CPE: variants seen among roughly 807,000 people sequenced by gnomAD.
CPE encodes carboxypeptidase E, also known as carbocypeptidase E.
CPE carries 17 observed loss-of-function variants against 53.5 expected under a neutral mutation model. The ratio of observed to expected loss-of-function variants is 0.32; its 90% CI spans 0.22 to 0.48. The LOEUF (loss-of-function observed/expected upper bound fraction) is 0.48. Ranked by LOEUF, CPE falls within the 20% of genes least tolerant of loss-of-function variation. The pLI is 0.99. For synonymous variants in CPE, 226 were observed against 228.8 expected (o/e 0.99, Z 0.11); for missense variants, 524 against 614.7 (o/e 0.85, Z 1.56).
At chr4:165,470,455 A>G (rs1396910180) in intron 3 of CPE, among the ~76,000 whole-genome samples, 1 of 152,142 alleles carries the variant, frequency 6.6e-6, no homozygotes, top group South Asian at 2.1e-4. Flanking sequence ...ACTAAGTCAC[A>G]TACCAGTTAA....
chr4:165,489,956 A>G (rs2126715725), intron 6 of CPE, among the ~76,000 whole-genome samples: 1 of 152,328 alleles, frequency 6.6e-6, no homozygotes, highest in East Asian at 1.9e-4. Context: ...CTAAGCAGTG[A>G]GTGGTATTTA....
chr4:165,493,344 C>A, intron 7 of CPE, 74 bp downstream of exon 7: 3 of 1,065,654 alleles, frequency 2.8e-6, no homozygotes, highest in Non-Finnish European at 2.8e-6. Context: ...AATTATAAGT[C>A]TTATGTTCTT....
intron 1 of CPE, among the ~76,000 whole-genome samples, chr4:165,391,912 G>A (rs1730686844): frequency 6.6e-6 from 1 of 151,978 alleles, no homozygotes; most frequent in Admixed American, 6.6e-5. Context: ...GATGCATAAG[G>A]TATGGAAAGT....
Position 165,418,847 on chromosome 4 carries a change from T to G in CPE, c.307+39319T>G, listed in dbSNP as rs191050515. ...CAATGCTAACTTTAAAGCAAAGAAT[T>G]TTAATTTGAAAGTTGAGAAAATATA... On this transcript the variant is annotated intron_variant, in intron 1 of 8. Transcript: ENST00000402744. Among the ~76,000 whole-genome samples, 13 of 152,256 alleles carry G rather than the reference T, an allele frequency of 8.5e-5. No homozygotes were observed. In the East Asian group the frequency reaches 2.5e-3, roughly 29 times the overall value.
intron 1 of CPE, among the ~76,000 whole-genome samples, chr4:165,434,381 G>A (rs1491002814): frequency 6.6e-6 from 1 of 152,152 alleles, no homozygotes; most frequent in Non-Finnish European, 1.5e-5. Context: ...GGCAAGCCAA[G>A]GTGAAATAGC....
intron 1 of CPE, among the ~76,000 whole-genome samples, chr4:165,442,878 T>G (rs1731639872): frequency 6.6e-6 from 1 of 152,172 alleles, no homozygotes; most frequent in South Asian, 2.1e-4. Context: ...TATATTACCT[T>G]GAGGAAGAAC....
chr4:165,432,438 G>C (rs571771416), intron 1 of CPE, among the ~76,000 whole-genome samples: 1 of 152,188 alleles, frequency 6.6e-6, no homozygotes, highest in Non-Finnish European at 1.5e-5. Flanking sequence ...TGGGACTACA[G>C]GTGTGTGCCA....
chr4:165,393,631 A>G (rs567449860), intron 1 of CPE, among the ~76,000 whole-genome samples: 1 of 152,316 alleles, frequency 6.6e-6, no homozygotes, highest in African/African-American at 2.4e-5. Flanking sequence ...AGTATTTCCC[A>G]TAACAATGTA....
intron 3 of CPE, among the ~76,000 whole-genome samples, chr4:165,480,199 A>G (rs1318561257): frequency 6.6e-6 from 1 of 152,186 alleles, no homozygotes; most frequent in Non-Finnish European, 1.5e-5. Flanking sequence ...TTGTTCTTAA[A>G]AAGATTAGAG....
intron 1 of CPE, among the ~76,000 whole-genome samples, chr4:165,427,441 C>G (rs1401445779): frequency 6.6e-6 from 1 of 151,900 alleles, no homozygotes; most frequent in African/African-American, 2.4e-5. Flanking sequence ...TAAACATTTT[C>G]TCAACCATTT....
At chr4:165,464,211 G>GTTAT (rs1161537462) in intron 1 of CPE, among the ~76,000 whole-genome samples, 179 bp from the exon 2 acceptor site, 4 of 152,088 alleles carry the variant, frequency 2.6e-5, no homozygotes, top group Non-Finnish European at 5.9e-5. Context: ...GTGGGTAGCT[G>GTTAT]GGAGGCGAGG....
intron 1 of CPE, among the ~76,000 whole-genome samples, chr4:165,454,052 T>C (rs1731858900): frequency 6.6e-6 from 1 of 152,178 alleles, no homozygotes; most frequent in Non-Finnish European, 1.5e-5. Flanking sequence ...TTTGTAGCAT[T>C]GCCTATTTCC....
intron 1 of CPE, among the ~76,000 whole-genome samples, chr4:165,438,616 T>G (rs373286533): frequency 7.9e-5 from 12 of 152,240 alleles, no homozygotes; most frequent in Admixed American, 3.3e-4. Context: ...ATGGATAATT[T>G]GAATGGGTCA....
At chr4:165,422,837 T>C (rs9759768) in intron 1 of CPE, among the ~76,000 whole-genome samples, 88,577 of 151,344 alleles carry the variant, frequency 0.59, 27,380 homozygotes, top group African/African-American at 0.8. Flanking sequence ...ATTAGCCGGG[T>C]GTGGTGGCGG....
At chr4:165,459,985 CCA>C (rs1294759410) in intron 1 of CPE, among the ~76,000 whole-genome samples, 1 of 151,708 alleles carries the variant, frequency 6.6e-6, no homozygotes, top group Admixed American at 6.6e-5. Context: ...ACAACCATCC[CCA>C]GTGTCCTGAG....
At chr4:165,407,662 C>T (rs1730973928) in intron 1 of CPE, among the ~76,000 whole-genome samples, 2 of 152,080 alleles carry the variant, frequency 1.3e-5, no homozygotes, top group Admixed American at 1.3e-4. Context: ...ATTCTCCTGC[C>T]TCAGCCTCCA....
chr4:165,396,518 A>G (rs368142852), intron 1 of CPE, among the ~76,000 whole-genome samples: 2 of 152,008 alleles, frequency 1.3e-5, no homozygotes, highest in East Asian at 3.9e-4. Flanking sequence ...CTAAAATACA[A>G]AAATTAGCAG....
chr4:165,435,739 C>T (rs953904191), intron 1 of CPE, among the ~76,000 whole-genome samples: 1 of 152,136 alleles, frequency 6.6e-6, no homozygotes, highest in African/African-American at 2.4e-5. Flanking sequence ...GTTTCTTGTA[C>T]ATTTTAAATA....
In CPE at chr4:165,405,432, C is replaced by T. The variant is rs917174806; in HGVS notation, c.307+25904C>T. On this transcript the variant is annotated intron_variant, in intron 1 of 8. Transcript: ENST00000402744. ...CCAGCATCGCTCCCTTGCTCAATTC[C>T]AGTCTTTACCACATCAATTATTTTC... 4 of 871,844 alleles carry T rather than the reference C, an allele frequency of 4.6e-6. No homozygotes were observed. The African/African-American group carries it at 4.9e-5, about 11-fold the overall frequency. The allele number at this position is 871,844 out of a possible 1,614,324, so 54.0% of individuals were successfully genotyped here. A position where few individuals can be genotyped will look rare whatever the true frequency, so the allele number is the denominator to read the frequency against.
Sources: gnomAD v4.1 joint callset for allele counts (sites outside exome capture counted in the v4.1 genomes callset) on GRCh38, gnomAD v4.1.1 for gene constraint, MANE v1.5 for transcripts, NCBI Gene and HGNC (gene_info 2026-07-23, HGNC 2026-07-21) for gene names.